Variants in PPFIA2 observed in about 807,000 individuals in gnomAD.
The protein encoded by PPFIA2 is PPFI scaffold protein A2, also known as liprin-alpha-2.
PPFIA2 carries 46 observed loss-of-function variants against 175.5 expected under a neutral mutation model. That is an observed-to-expected ratio of 0.26 (90% confidence interval 0.21 to 0.34). The LOEUF (loss-of-function observed/expected upper bound fraction) is 0.34, where lower values mean the gene tolerates loss of function less well. Among genes scored for constraint, PPFIA2 ranks in the 10% least tolerant of loss-of-function variants. The pLI, the probability that PPFIA2 is intolerant of heterozygous loss-of-function variation, is 1.00. For synonymous variants in PPFIA2, 568 were observed against 511.4 expected (o/e 1.11, Z -1.49); for missense variants, 1,179 against 1,506.1 (o/e 0.78, Z 3.60).
intron 7 of PPFIA2, among the ~76,000 whole-genome samples, chr12:81,412,335 CAAAAAAA>C (rs35342063): frequency 1.0e-5 from 1 of 96,206 alleles, no homozygotes; most frequent in Non-Finnish European, 2.4e-5. Flanking sequence ...GTTAAGGAGG[CAAAAAAA>C]AAAAAAAAAA....
chr12:81,288,432 G>T (rs534891855), intron 24 of PPFIA2, among the ~76,000 whole-genome samples: 1 of 151,828 alleles, frequency 6.6e-6, no homozygotes, highest in South Asian at 2.1e-4. Flanking sequence ...AAGGGAGAAG[G>T]AGAAGGAAAT....
chr12:81,617,447 C>T (rs1286619882), intron 4 of PPFIA2, among the ~76,000 whole-genome samples: 1 of 152,138 alleles, frequency 6.6e-6, no homozygotes, highest in African/African-American at 2.4e-5. Context: ...TGTGCCTGCC[C>T]CTTCAACTTG....
rs1304072840 is a variant in PPFIA2, at chr12:81,553,506, A to G, written c.304-95640T>C. Among the ~76,000 whole-genome samples, 7 of 152,220 alleles carry G rather than the reference A, an allele frequency of 4.6e-5. No homozygotes were observed. In the South Asian group the frequency reaches 1.2e-3, roughly 27 times the overall value. On this transcript the variant is annotated intron_variant, in intron 4 of 32. Coordinates refer to ENST00000549396, the MANE Select transcript of PPFIA2 (RefSeq NM_003625.5). ...ATAGCATGTGGCAGAAGTTGGTAGCATAAAAGACACAAGCATAGCACTTCA... is the reference window on the plus strand; with the variant it reads ...ATAGCATGTGGCAGAAGTTGGTAGCGTAAAAGACACAAGCATAGCACTTCA...
At chr12:81,613,832 G>A (rs982255639) in intron 4 of PPFIA2, among the ~76,000 whole-genome samples, 15 of 152,100 alleles carry the variant, frequency 9.9e-5, no homozygotes, top group African/African-American at 3.1e-4. Context: ...CTGTGAGTGT[G>A]AGTTGCATTT....
intron 22 of PPFIA2, chr12:81,312,234 A>T: frequency 7.2e-7 from 1 of 1,395,486 alleles, no homozygotes; most frequent in Admixed American, 2.1e-5. Flanking sequence ...GATACAGTTC[A>T]ATCCAAAGAA....
intron 5 of PPFIA2, among the ~76,000 whole-genome samples, chr12:81,451,885 G>A (rs1448862619): frequency 6.6e-6 from 1 of 152,142 alleles, no homozygotes; most frequent in Non-Finnish European, 1.5e-5. Context: ...ACTTAGCTAA[G>A]ATACCATTAA....
At chr12:81,364,698 G>A (rs1180414961) in intron 14 of PPFIA2, among the ~76,000 whole-genome samples, 1 of 151,804 alleles carries the variant, frequency 6.6e-6, no homozygotes, top group Non-Finnish European at 1.5e-5. Flanking sequence ...GAAATTTTGA[G>A]GCAAGAGAGT....
At chr12:81,469,451 C>T (rs970985135) in intron 4 of PPFIA2, among the ~76,000 whole-genome samples, 1 of 152,282 alleles carries the variant, frequency 6.6e-6, no homozygotes, top group African/African-American at 2.4e-5. Flanking sequence ...CCCGCATGCA[C>T]CCCTGTAGGA....
chr12:81,375,144 G>T (rs2036068541), intron 10 of PPFIA2, among the ~76,000 whole-genome samples: 1 of 152,068 alleles, frequency 6.6e-6, no homozygotes, highest in African/African-American at 2.4e-5. Flanking sequence ...GATGATCCAG[G>T]CTCTAGAGAT....
intron 3 of PPFIA2, among the ~76,000 whole-genome samples, chr12:81,741,620 G>A (rs1208610503): frequency 8.7e-6 from 1 of 115,422 alleles, no homozygotes; most frequent in Non-Finnish European, 1.7e-5. Context: ...AAAACATTAT[G>A]AGATTTTTTT....
intron 24 of PPFIA2, among the ~76,000 whole-genome samples, chr12:81,285,734 G>A (rs2137233543): frequency 6.6e-6 from 1 of 152,196 alleles, no homozygotes; most frequent in East Asian, 1.9e-4. Context: ...TATAGCACGT[G>A]CAACTATGTG....
rs1412428672 is a variant in PPFIA2 at position 81,277,298 on chromosome 12, TGAAA to T, written c.3310+15_3310+18del. 4 of 1,520,880 alleles carry T rather than the reference TGAAA, an allele frequency of 2.6e-6. No homozygotes were observed. The highest frequency in any genetic ancestry group is 3.5e-6 in the Non-Finnish European group (4 of 1,135,648). The allele number at this position is 1,520,880 out of a possible 1,614,324, so 94.2% of individuals were successfully genotyped here. On this transcript the variant is annotated intron_variant, in intron 28 of 32. Transcript: ENST00000549396. ...AACCCCAGAATAAAGGCATTTCATA[TGAAA>T]GAAAGATATATTACCTTTTATTTCA...
intron 22 of PPFIA2, among the ~76,000 whole-genome samples, chr12:81,322,308 A>G (rs1394275804): frequency 3.9e-5 from 6 of 152,192 alleles, no homozygotes; most frequent in African/African-American, 1.4e-4. Context: ...AAAAGAGAAG[A>G]TATTTTTGTT....
chr12:81,409,191 T>C (rs999267445), intron 7 of PPFIA2, among the ~76,000 whole-genome samples: 4 of 152,056 alleles, frequency 2.6e-5, no homozygotes, highest in Non-Finnish European at 5.9e-5. Flanking sequence ...CCTCAAAATA[T>C]TCCCTAGGCT....
chr12:81,416,010 A>G (rs2143230868), intron 7 of PPFIA2, among the ~76,000 whole-genome samples: 1 of 151,746 alleles, frequency 6.6e-6, no homozygotes, highest in Admixed American at 6.6e-5. Flanking sequence ...AAATACTAGC[A>G]TCTTCATTAG....
chr12:81,751,914 AC>A (rs1307401707), intron 3 of PPFIA2, among the ~76,000 whole-genome samples: 1 of 152,090 alleles, frequency 6.6e-6, no homozygotes, highest in African/African-American at 2.4e-5. Flanking sequence ...TAAAATAGTC[AC>A]CTTTTTTTTA....
chr12:81,743,447 T>TAAAAAA (rs2082612650), intron 3 of PPFIA2, among the ~76,000 whole-genome samples: 4 of 56,086 alleles, frequency 7.1e-5, no homozygotes, highest in South Asian at 6.0e-4. Flanking sequence ...AAAAAAAAAC[T>TAAAAAA]TTTGCTGTAA....
In PPFIA2 at chr12:81,353,188, C is replaced by A; in HGVS notation, c.1925G>T (p.Gly642Val). Residue 642 changes from glycine to valine, a missense_variant, in exon 17 of 33, where the codon GGT becomes GTT. By Grantham distance (109) the Gly-to-Val change is moderately radical. Coordinates refer to ENST00000549396, the MANE Select transcript of PPFIA2 (RefSeq NM_003625.5). ...FSSMDLLSPS[G>V]HSDAQTLAMM... ...GGCTAGCGTCTGGGCATCGGAATGA[C>A]CACTTGGAGAGAGAAGATCCATTGA... 3 of 1,613,838 alleles carry A rather than the reference C, an allele frequency of 1.9e-6. No homozygotes were observed. Among genetic ancestry groups the A allele is most frequent in the Non-Finnish European group, 2.5e-6 (3 of 1,179,818 alleles).
intron 20 of PPFIA2, among the ~76,000 whole-genome samples, chr12:81,339,587 C>A (rs2057714968): frequency 6.6e-6 from 1 of 151,360 alleles, no homozygotes; most frequent in Non-Finnish European, 1.5e-5. Flanking sequence ...TTGGTATAAT[C>A]TCAAACTAAT....
Sources: gnomAD v4.1 joint callset for allele counts (sites outside exome capture counted in the v4.1 genomes callset) on GRCh38, gnomAD v4.1.1 for gene constraint, MANE v1.5 for transcripts, NCBI Gene and HGNC (gene_info 2026-07-23, HGNC 2026-07-21) for gene names.